The following ASH1L variants were observed in gnomAD, a reference collection of about 807,000 sequenced individuals.
ASH1L encodes the protein histone-lysine N-methyltransferase ASH1L.
In ASH1L, 23 loss-of-function variants were observed where a neutral mutation model predicts 269.0. The ratio of observed to expected loss-of-function variants is 0.09; its 90% CI spans 0.06 to 0.12. The LOEUF is 0.12. Among genes scored for constraint, ASH1L ranks in the 10% least tolerant of loss-of-function variants. The pLI, the probability that ASH1L is intolerant of heterozygous loss-of-function variation, is 1.00. For missense variants in ASH1L, 2,912 were observed against 3,567.8 expected (o/e 0.82, Z 4.68); for synonymous variants, 1,187 against 1,253.5 (o/e 0.95, Z 1.12).
intron 5 of ASH1L, among the ~76,000 whole-genome samples, chr1:155,426,765 T>C (rs1213656515): frequency 1.3e-5 from 2 of 152,216 alleles, no homozygotes; most frequent in Admixed American, 6.5e-5. Context: ...AAAATAAAAA[T>C]TAAAAACTAA....
chr1:155,515,116 C>T (rs1336248994), intron 2 of ASH1L, among the ~76,000 whole-genome samples: 1 of 152,106 alleles, frequency 6.6e-6, no homozygotes, highest in Non-Finnish European at 1.5e-5. Context: ...ACACCTGAGA[C>T]GTATGCTCAG....
intron 4 of ASH1L, among the ~76,000 whole-genome samples, chr1:155,447,344 T>TA (rs1301937320): frequency 3.3e-5 from 5 of 152,176 alleles, no homozygotes; most frequent in Non-Finnish European, 5.9e-5. Flanking sequence ...TTGTTTTTCT[T>TA]AAAAAATATT....
In ASH1L at chr1:155,337,698, G is replaced by A. The variant is rs1375751864; in HGVS notation, c.8857C>T (p.Arg2953Cys). The A allele has an allele frequency of 2.5e-6, 4 of 1,613,828 alleles. No individual in the cohort carries two copies. The highest frequency in any genetic ancestry group is 3.4e-6 in the Non-Finnish European group (4 of 1,179,894). ...CTGTTTTCTGGGATAAACAAAGTAC[G>A]CCTTCGCAGTTTCCTGCCTGATCCT... ...EEGSGRKLRR[R>C]TLFIPENSFR... Residue 2953 changes from arginine to cysteine, a missense_variant, in exon 28 of 28, where the codon CGT becomes TGT. By Grantham distance (180) the Arg-to-Cys change is radical. This residue lies in a region of ASH1L where 154 missense variants were observed against 165.0 expected (regional missense o/e 0.93). Coordinates refer to ENST00000392403, the MANE Select transcript of ASH1L (RefSeq NM_018489.3).
At chr1:155,454,722 C>G (rs577204979) in intron 4 of ASH1L, among the ~76,000 whole-genome samples, 1 of 152,008 alleles carries the variant, frequency 6.6e-6, no homozygotes, top group South Asian at 2.1e-4. Flanking sequence ...GAGCTGAGAT[C>G]GTGACACTGC....
intron 10 of ASH1L, among the ~76,000 whole-genome samples, chr1:155,377,569 A>C (rs1365273662): frequency 6.6e-6 from 1 of 151,438 alleles, no homozygotes; most frequent in East Asian, 1.9e-4. Flanking sequence ...ATCTCTAAAA[A>C]AAACAAAACA....
intron 5 of ASH1L, among the ~76,000 whole-genome samples, chr1:155,428,731 C>T (rs1440856768): frequency 6.6e-6 from 1 of 152,218 alleles, no homozygotes; most frequent in East Asian, 1.9e-4. Flanking sequence ...AAACCCATCC[C>T]TTTATTTCGG....
chr1:155,375,891 A>T (rs1656394979), intron 10 of ASH1L, among the ~76,000 whole-genome samples: 1 of 152,162 alleles, frequency 6.6e-6, no homozygotes, highest in Non-Finnish European at 1.5e-5. Context: ...TTAAGGGTTC[A>T]GGACCGGCCT....
chr1:155,563,091 G>T (rs757165492), upstream of ASH1L: 10 of 457,772 alleles, frequency 2.2e-5, no homozygotes, highest in Admixed American at 1.9e-4. Flanking sequence ...GCTCCTCGCC[G>T]CAGCGCTGCG....
At position 155,344,254 on chromosome 1, in the gene ASH1L, C is replaced by A; in HGVS notation, c.7910G>T (p.Arg2637Leu). Residue 2637 changes from arginine (R) to leucine (L), a missense_variant, in exon 22 of 28, where the codon CGG becomes CTG. Coordinates refer to ENST00000392403, the MANE Select transcript of ASH1L (RefSeq NM_018489.3). ...PVDREVPMIP[R>L]PHYAQPGCVY... ...ACAGCCAGGTTGGGCATAGTGGGGCCGAGGGATCATGGGAACCTCCTGATA... is the reference window on the plus strand; with the variant it reads ...ACAGCCAGGTTGGGCATAGTGGGGCAGAGGGATCATGGGAACCTCCTGATA... The A allele has an allele frequency of 6.2e-7, 1 of 1,613,982 alleles. No homozygotes were observed.
chr1:155,393,330 A>G (rs1558059113), intron 7 of ASH1L, among the ~76,000 whole-genome samples: 1 of 152,168 alleles, frequency 6.6e-6, no homozygotes, highest in African/African-American at 2.4e-5. Flanking sequence ...AGAAAAGGAG[A>G]TTAGTTAATC....
chr1:155,387,397 C>T (rs1027511710), intron 7 of ASH1L, among the ~76,000 whole-genome samples: 14 of 152,182 alleles, frequency 9.2e-5, no homozygotes, highest in Admixed American at 2.6e-4. Flanking sequence ...GGAATCCTTA[C>T]CCAATTGCTT....
Position 155,354,640 on chromosome 1 carries a change from AGG to A in ASH1L, c.7056-12_7056-11del. 1.2e-6 allele frequency: 2 copies of A among 1,604,790 alleles called. No homozygotes were observed. Among genetic ancestry groups the A allele is most frequent in the Admixed American group, 1.8e-5 (1 of 57,040 alleles). ...CTTTAACACAAAGTTCCTGCAAGGA[AGG>A]AAAAAAAATCTTCCTTTATTCATTA... On this transcript the variant is annotated splice_polypyrimidine_tract_variant and intron_variant, in intron 15 of 27. Transcript: ENST00000392403.
chr1:155,482,530 A>T, intron 2 of ASH1L, 81 bp from the exon 3 acceptor site: 1 of 1,365,482 alleles, frequency 7.3e-7, no homozygotes, highest in East Asian at 2.3e-5. Flanking sequence ...CAACAAACTA[A>T]TGGATCACAT....
chr1:155,421,062 C>G (rs571044093), intron 5 of ASH1L, among the ~76,000 whole-genome samples: 2 of 151,020 alleles, frequency 1.3e-5, no homozygotes, highest in South Asian at 4.2e-4. Flanking sequence ...CATAGTCAGA[C>G]CCCATCTTTG....
chr1:155,521,326 C>G lies in ASH1L; in HGVS notation c.194G>C (p.Gly65Ala). ...ERNIEAGKDDGLTDAQQQFSV... is the reference protein window; with the variant it reads ...ERNIEAGKDDALTDAQQQFSV... ...AAACTGTTGCTGTGCATCAGTCAAACCATCATCTTTCCCAGCTTCGATGTT... is the reference window on the plus strand; with the variant it reads ...AAACTGTTGCTGTGCATCAGTCAAAGCATCATCTTTCCCAGCTTCGATGTT... Residue 65 changes from glycine (G) to alanine (A), a missense_variant, in exon 2 of 28, where the codon GGT becomes GCT. By Grantham distance (60) the Gly-to-Ala change is moderately conservative. Coordinates refer to ENST00000392403, the MANE Select transcript of ASH1L (RefSeq NM_018489.3). 6.2e-7 allele frequency: 1 copy of G among 1,614,116 alleles called. No individual in the cohort carries two copies. The highest frequency in any genetic ancestry group is 8.5e-7 in the Non-Finnish European group (1 of 1,180,016).
chr1:155,377,790 C>T (rs562101548), intron 10 of ASH1L, among the ~76,000 whole-genome samples: 2 of 152,058 alleles, frequency 1.3e-5, no homozygotes, highest in East Asian at 3.9e-4. Context: ...TTTGGGAGGC[C>T]GAGGCTGGTG....
chr1:155,529,979 A>T (rs528154773), intron 1 of ASH1L, among the ~76,000 whole-genome samples: 38 of 152,008 alleles, frequency 2.5e-4, no homozygotes, highest in Admixed American at 2.2e-3. Context: ...AAAATAAAAA[A>T]AATAAAAAAA....
At chr1:155,538,295 A>G (rs1670188786) in intron 1 of ASH1L, among the ~76,000 whole-genome samples, 1 of 151,900 alleles carries the variant, frequency 6.6e-6, no homozygotes, top group Non-Finnish European at 1.5e-5. Flanking sequence ...TGTCCACCTC[A>G]GCCTCCCAAA....
chr1:155,357,510 A>T, intron 14 of ASH1L, 75 bp downstream of exon 14: 2 of 1,599,568 alleles, frequency 1.3e-6, no homozygotes, highest in Non-Finnish European at 1.7e-6. Flanking sequence ...CCCTCTGGTA[A>T]TTCCCTTATT....
Sources: allele counts gnomAD v4.1 joint callset (sites outside exome capture counted in the v4.1 genomes callset), GRCh38; gene constraint gnomAD v4.1.1; regional missense constraint gnomAD v4.1.1; transcripts MANE v1.5; gene names NCBI Gene and HGNC (gene_info 2026-07-23, HGNC 2026-07-21).